The following COL18A1 variants were observed in gnomAD, a reference collection of about 807,000 sequenced individuals.
The protein encoded by COL18A1 is collagen type XVIII alpha 1 chain, also known as collagen alpha-1(XVIII) chain.
A neutral mutation model predicts 168.0 loss-of-function variants in COL18A1; 133 were observed. The observed-to-expected ratio is 0.79, with a 90% confidence interval of 0.69 to 0.91. COL18A1 has a LOEUF of 0.91. Ranked by LOEUF, COL18A1 falls within the 40% of genes least tolerant of loss-of-function variation. The pLI is 0.00. For synonymous variants in COL18A1, 949 were observed against 809.0 expected, an observed-to-expected ratio of 1.17 and a Z score of -2.94; for missense variants, 2,126 against 1,925.4, an observed-to-expected ratio of 1.10 and a Z score of -1.95.
chr21:45,498,945 C>T lies in COL18A1; in HGVS notation c.2683+1284C>T, dbSNP rs988478007. ...TTGAGACCTGTGTATAGGTTTTGGTCGACGTGGGATTGCTTGTCCCTGGGA... is the reference window on the plus strand; with the variant it reads ...TTGAGACCTGTGTATAGGTTTTGGTTGACGTGGGATTGCTTGTCCCTGGGA... On this transcript the variant is annotated intron_variant, in intron 32 of 41. Coordinates refer to ENST00000651438, the MANE Select transcript of COL18A1 (RefSeq NM_001379500.1). The surrounding 1 kb of genome is among the most constrained non-coding windows in gnomAD (Gnocchi z 4.5). Among the ~76,000 whole-genome samples the T allele has an allele frequency of 1.3e-5, 2 of 152,112 alleles. No individual in the cohort carries two copies. Among genetic ancestry groups the T allele is most frequent in the African/African-American group, 4.8e-5 (2 of 41,398 alleles).
In COL18A1 at chr21:45,405,326, CTG is replaced by C. The variant is rs1491275485; in HGVS notation, c.12-52_12-51del. 29 of 1,055,368 alleles carry C rather than the reference CTG, an allele frequency of 2.7e-5. No individual in the cohort carries two copies. The South Asian group carries it at 4.1e-4, about 15-fold the overall frequency. The allele number at this position is 1,055,368 out of a possible 1,614,324, so 65.4% of individuals were successfully genotyped here. ...GGGGGTCGCGGGGCTCGGCCGGGTC[CTG>C]CGGGGGTCGCGGGGGTCCTGCGGGG... On this transcript the variant is annotated intron_variant, in intron 1 of 41. Transcript: ENST00000651438.
intron 40 of COL18A1, 45 bp downstream of exon 40, chr21:45,510,306 T>C: frequency 6.4e-7 from 1 of 1,550,834 alleles, no homozygotes; most frequent in Middle Eastern, 1.7e-4. Context: ...CGGCCCCCAC[T>C]TGACCTCTGG....
intron 2 of COL18A1, among the ~76,000 whole-genome samples, chr21:45,435,748 AT>A (rs1212511679): frequency 1.3e-5 from 2 of 152,092 alleles, no homozygotes; most frequent in Non-Finnish European, 2.9e-5. Context: ...ATGTTGGGGC[AT>A]CCCGAGTACC....
chr21:45,428,902 T>TC (rs1569283018), intron 2 of COL18A1, among the ~76,000 whole-genome samples: 1 of 145,164 alleles, frequency 6.9e-6, no homozygotes, highest in African/African-American at 2.6e-5. Flanking sequence ...TTCTTTCTTT[T>TC]CTTTTTTTTT....
intron 9 of COL18A1, among the ~76,000 whole-genome samples, chr21:45,479,697 G>GCTTCCCCCAGGCGTGGCTGGGGGA (rs1266741341): frequency 2.0e-5 from 3 of 152,168 alleles, no homozygotes; most frequent in Non-Finnish European, 2.9e-5. Context: ...GCTGCCCGCA[G>GCTTCCCCCAGGCGTGGCTGGGGGA]CTTCCCCCAG....
At chr21:45,452,686 C>A (rs2034653806) in intron 2 of COL18A1, among the ~76,000 whole-genome samples, 1 of 143,716 alleles carries the variant, frequency 7.0e-6, no homozygotes. Context: ...CATGTGTGAG[C>A]ATGTATGTGA....
rs950481605 is a variant in COL18A1, at chr21:45,471,566, C to T, written c.652-2329C>T. On this transcript the variant is annotated intron_variant, in intron 3 of 41. Transcript: ENST00000651438. This position sits in a 1 kb window ranked among gnomAD's most constrained non-coding sequence, Gnocchi z 4.4. ...GGCCGCAGCTGGGTCCAACAGAGCC[C>T]TCCGGAGCATTGGTTGTGTTCCTCG... 1.3e-5 allele frequency among the ~76,000 whole-genome samples: 2 copies of T among 152,166 alleles called. No homozygotes were observed. The highest frequency in any genetic ancestry group is 2.4e-5 in the African/African-American group (1 of 41,438).
intron 4 of COL18A1, among the ~76,000 whole-genome samples, chr21:45,474,218 G>A (rs1468130104): frequency 1.3e-5 from 2 of 151,982 alleles, no homozygotes; most frequent in African/African-American, 4.8e-5. Flanking sequence ...CATGGCAGCT[G>A]GTGAGACAGA....
At chr21:45,424,047 CG>C (rs2033708683) in intron 2 of COL18A1, 1 of 152,338 alleles carries the variant, frequency 6.6e-6, no homozygotes, top group African/African-American at 2.4e-5. Flanking sequence ...GGCAGTGCTG[CG>C]GGGCCCTGGT....
In COL18A1 at chr21:45,497,039, G is replaced by A. The variant is rs766801895; in HGVS notation, c.2578-11G>A. ...TCGCCCTCAGCAGCCGCCTCTCCCC[G>A]TTCCTTGCAGGTGTTTGCTGAGTCC... On this transcript the variant is annotated splice_polypyrimidine_tract_variant and intron_variant, in intron 30 of 41. Transcript: ENST00000651438. 12 of 1,599,512 alleles carry A rather than the reference G, an allele frequency of 7.5e-6. No individual in the cohort carries two copies. Among genetic ancestry groups the A allele is most frequent in the Middle Eastern group, 1.7e-4 (1 of 5,934 alleles).
At chr21:45,510,410 C>G (rs1018168975) in intron 40 of COL18A1, 149 bp downstream of exon 40, 3 of 900,664 alleles carry the variant, frequency 3.3e-6, no homozygotes, top group East Asian at 2.6e-5. Context: ...AGGGCAGGCT[C>G]CGGGTGGGTC....
chr21:45,406,020 A>G (rs540603294), intron 2 of COL18A1, among the ~76,000 whole-genome samples: 2 of 151,712 alleles, frequency 1.3e-5, no homozygotes, highest in South Asian at 4.2e-4. Context: ...TTTGATGCCA[A>G]CCGAGCGCCG....
intron 19 of COL18A1, 105 bp downstream of exon 19, chr21:45,489,626 G>A: frequency 2.8e-6 from 2 of 718,570 alleles, no homozygotes; most frequent in Non-Finnish European, 4.6e-6. Context: ...CGCTCTTCCT[G>A]CCACTGCTTT....
chr21:45,512,665 TATC>T lies in COL18A1; in HGVS notation c.*270_*272del. On this transcript the variant is annotated 3_prime_UTR_variant, in exon 42 of 42. Transcript: ENST00000651438. ...CCCAGCTGGGTCAGGCAGGGTGCAG[TATC>T]ATGCCCTGTGCAACCTCTTGGCCTG... 1 of 539,488 alleles carries T rather than the reference TATC, an allele frequency of 1.9e-6. No individual in the cohort carries two copies. Among genetic ancestry groups the T allele is most frequent in the South Asian group, 2.0e-5 (1 of 49,290 alleles). 33.4% of individuals were successfully genotyped at this position (539,488 alleles called of 1,614,324 possible). A position where few individuals can be genotyped will look rare whatever the true frequency, so the allele number is the denominator to read the frequency against.
intron 30 of COL18A1, 119 bp downstream of exon 30, chr21:45,496,687 GC>G: frequency 1.3e-6 from 1 of 745,032 alleles, no homozygotes; most frequent in Non-Finnish European, 2.5e-6. Context: ...TCTAGGATGT[GC>G]CAGTCTGGTG....
chr21:45,476,565 G>T (rs2035664004), intron 6 of COL18A1, 85 bp downstream of exon 6: 1 of 1,488,580 alleles, frequency 6.7e-7, no homozygotes. Flanking sequence ...TGAGGTATGT[G>T]TGTGATGTAT....
At chr21:45,503,229 C>T (rs1198731609) in intron 32 of COL18A1, among the ~76,000 whole-genome samples, 8 of 152,142 alleles carry the variant, frequency 5.3e-5, no homozygotes, top group Non-Finnish European at 1.0e-4. Context: ...CTCTCCGGCA[C>T]CTGTTGTTTC....
intron 2 of COL18A1, among the ~76,000 whole-genome samples, chr21:45,419,180 TGATTCCGTGTAGTAAGGC>T (rs1441710166): frequency 6.6e-6 from 1 of 151,734 alleles, no homozygotes. Flanking sequence ...TGTAGTGACG[TGATTCCGTGTAGTAAGGC>T]GATGCCGTGT....
intron 2 of COL18A1, among the ~76,000 whole-genome samples, chr21:45,454,714 G>A (rs2034738702): frequency 6.6e-6 from 1 of 151,988 alleles, no homozygotes; most frequent in Non-Finnish European, 1.5e-5. Context: ...GGCAGCTGGC[G>A]GGGGGGCACA....
Sources: gnomAD v4.1 joint callset for allele counts (sites outside exome capture counted in the v4.1 genomes callset) on GRCh38, gnomAD v4.1.1 for gene constraint, Gnocchi (gnomAD v3.1) non-coding constraint, MANE v1.5 for transcripts, NCBI Gene and HGNC (gene_info 2026-07-23, HGNC 2026-07-21) for gene names.